The following RNGTT variants were observed in gnomAD, a reference collection of about 807,000 sequenced individuals.
RNGTT encodes the protein mRNA-capping enzyme.
In RNGTT, 33 loss-of-function variants were observed where a neutral mutation model predicts 79.3. The observed-to-expected ratio is 0.42, with a 90% CI of 0.32 to 0.56. The LOEUF (loss-of-function observed/expected upper bound fraction) is 0.56, where lower values mean the gene tolerates loss of function less well. Ranked by LOEUF, RNGTT falls within the 20% of genes least tolerant of loss-of-function variation. The pLI is 0.17. For missense variants in RNGTT, 497 were observed against 739.1 expected (o/e 0.67, Z 3.80); for synonymous variants, 222 against 235.9 (o/e 0.94, Z 0.54).
At chr6:88,911,366 A>G (rs1275188690) in intron 4 of RNGTT, among the ~76,000 whole-genome samples, 2 of 152,238 alleles carry the variant, frequency 1.3e-5, no homozygotes, top group African/African-American at 2.4e-5. Context: ...TTAAACCAAC[A>G]GCAATAAAAA....
intron 4 of RNGTT, among the ~76,000 whole-genome samples, chr6:88,909,262 A>C (rs1783757077): frequency 6.6e-6 from 1 of 152,156 alleles, no homozygotes; most frequent in Non-Finnish European, 1.5e-5. Context: ...TGCTCCTGAG[A>C]CAGACATCAG....
At chr6:88,771,703 T>C (rs1212259684) in intron 12 of RNGTT, among the ~76,000 whole-genome samples, 3 of 152,224 alleles carry the variant, frequency 2.0e-5, no homozygotes, top group African/African-American at 7.2e-5. Context: ...CATTTACTCA[T>C]CCTTAAATGA....
At chr6:88,801,810 T>TACACAC (rs1251945624) in intron 11 of RNGTT, among the ~76,000 whole-genome samples, 178 bp from the exon 12 acceptor site, 2 of 138,356 alleles carry the variant, frequency 1.4e-5, no homozygotes, top group South Asian at 2.3e-4. Context: ...AAGATTTGAA[T>TACACAC]ACACACACAC....
At chr6:88,949,160 A>AAAAAAAAAAAAAAAAAAAAAATG in intron 1 of RNGTT, among the ~76,000 whole-genome samples, 1 of 35,074 alleles carries the variant, frequency 2.9e-5, no homozygotes, top group Admixed American at 3.7e-4. Flanking sequence ...AAATAAAATG[A>AAAAAAAAAAAAAAAAAAAAAATG]AAAAAAAAAA....
At chr6:88,661,735 A>G (rs1435450211) in intron 14 of RNGTT, among the ~76,000 whole-genome samples, 1 of 152,228 alleles carries the variant, frequency 6.6e-6, no homozygotes, top group Non-Finnish European at 1.5e-5. Context: ...GCTAAATTCT[A>G]TCACATATTC....
At chr6:88,770,657 G>A (rs1279524101) in intron 12 of RNGTT, among the ~76,000 whole-genome samples, 2 of 152,124 alleles carry the variant, frequency 1.3e-5, no homozygotes, top group East Asian at 1.9e-4. Flanking sequence ...CTAGGAGAGT[G>A]GAATGACTGT....
At position 88,644,919 on chromosome 6, in the gene RNGTT, A is replaced by C. The variant is rs190205041; in HGVS notation, c.1507-30524T>G. On this transcript the variant is annotated intron_variant, in intron 14 of 15. Coordinates refer to ENST00000369485, the MANE Select transcript of RNGTT (RefSeq NM_003800.5). ...TCATACTGAATGGGCAAAAACTGGA[A>C]GCATTCCCTTTGAAAACTGGCACAA... Among the ~76,000 whole-genome samples the C allele has an allele frequency of 6.8e-3, 1,035 of 152,334 alleles. 11 individuals carry two copies. The highest frequency in any genetic ancestry group is 0.023 in the African/African-American group (949 of 41,576).
intron 12 of RNGTT, among the ~76,000 whole-genome samples, chr6:88,784,088 C>A (rs764126449): frequency 7.2e-5 from 11 of 152,030 alleles, no homozygotes; most frequent in Non-Finnish European, 1.3e-4. Flanking sequence ...AAATGTAACA[C>A]AGTCAAAAAG....
At chr6:88,738,287 G>A (rs550772835) in intron 13 of RNGTT, among the ~76,000 whole-genome samples, 22 of 152,136 alleles carry the variant, frequency 1.4e-4, no homozygotes, top group African/African-American at 4.6e-4. Flanking sequence ...TTAAAAACGC[G>A]GAAAGTATGA....
intron 6 of RNGTT, among the ~76,000 whole-genome samples, chr6:88,903,737 G>A (rs543707927): frequency 6.6e-6 from 1 of 152,150 alleles, no homozygotes; most frequent in African/African-American, 2.4e-5. Flanking sequence ...AATGAGTCGT[G>A]GTATATACCA....
chr6:88,625,665 T>C (rs1273349610), intron 14 of RNGTT, among the ~76,000 whole-genome samples: 1 of 151,844 alleles, frequency 6.6e-6, no homozygotes, highest in East Asian at 1.9e-4. Flanking sequence ...TTGATTCTAG[T>C]AGTGGCTCTA....
At chr6:88,838,768 T>C (rs1200881633) in intron 11 of RNGTT, among the ~76,000 whole-genome samples, 1 of 152,018 alleles carries the variant, frequency 6.6e-6, no homozygotes, top group African/African-American at 2.4e-5. Flanking sequence ...AATTATAAAA[T>C]TCACATGAAA....
At chr6:88,767,333 T>C (rs908826658) in intron 13 of RNGTT, among the ~76,000 whole-genome samples, 1 of 152,030 alleles carries the variant, frequency 6.6e-6, no homozygotes, top group African/African-American at 2.4e-5. Flanking sequence ...AAACGTACTA[T>C]GAATAAAGGC....
chr6:88,711,125 A>C (rs1287595673), intron 13 of RNGTT, among the ~76,000 whole-genome samples: 1 of 152,172 alleles, frequency 6.6e-6, no homozygotes, highest in African/African-American at 2.4e-5. Flanking sequence ...CAAACTACTA[A>C]TATTTCATTC....
chr6:88,647,701 T>TAAAAAAAAAAAAAGAAAA (rs1773624142), intron 14 of RNGTT, among the ~76,000 whole-genome samples: 1 of 100,892 alleles, frequency 9.9e-6, no homozygotes, highest in African/African-American at 5.1e-5. Context: ...GACACCCTGT[T>TAAAAAAAAAAAAAGAAAA]AAAAAAAAAA....
chr6:88,948,493 G>T (rs1268749583), intron 1 of RNGTT, among the ~76,000 whole-genome samples: 21 of 136,386 alleles, frequency 1.5e-4, no homozygotes, highest in East Asian at 7.1e-4. Context: ...GAGGTGGGGG[G>T]GTCAGCCCCC....
intron 13 of RNGTT, among the ~76,000 whole-genome samples, chr6:88,746,280 CCT>C (rs1369506076): frequency 6.6e-6 from 1 of 152,046 alleles, no homozygotes. Context: ...CTGCCACTCC[CCT>C]CTTACCCAGT....
chr6:88,637,286 C>T (rs988188176), intron 14 of RNGTT, among the ~76,000 whole-genome samples: 1 of 151,900 alleles, frequency 6.6e-6, no homozygotes, highest in African/African-American at 2.4e-5. Flanking sequence ...AAATGCCATT[C>T]GGTTCACTCT....
At chr6:88,920,505 T>C (rs115481868) in intron 4 of RNGTT, among the ~76,000 whole-genome samples, 3,333 of 152,298 alleles carry the variant, frequency 0.022, 124 homozygotes, top group African/African-American at 0.076. Flanking sequence ...CATACATTTA[T>C]ATGAATATAT....
Sources: allele counts gnomAD v4.1 joint callset (sites outside exome capture counted in the v4.1 genomes callset), GRCh38; gene constraint gnomAD v4.1.1; transcripts MANE v1.5; gene names NCBI Gene and HGNC (gene_info 2026-07-23, HGNC 2026-07-21).